TTC6: variants seen among roughly 807,000 people sequenced by gnomAD.
TTC6 encodes tetratricopeptide repeat protein 6.
Under a neutral mutation model 210.4 loss-of-function variants are expected in TTC6, and 172 were observed. That is an observed-to-expected ratio of 0.82 (90% CI 0.72 to 0.93). The LOEUF is 0.93. TTC6 is among the 40% of genes least tolerant of loss of function. The probability of loss-of-function intolerance (pLI) is 0.00; values close to 1 mark genes in which losing one functional copy is unlikely to be tolerated. For synonymous variants in TTC6, 804 were observed against 819.6 expected (o/e 0.98, Z 0.32); for missense variants, 2,414 against 2,318.1 (o/e 1.04, Z -0.85).
chr14:37,783,378 A>T (rs917582518), intron 14 of TTC6, among the ~76,000 whole-genome samples: 7 of 152,058 alleles, frequency 4.6e-5, no homozygotes, highest in Admixed American at 3.9e-4. Flanking sequence ...TGTGTCCAGG[A>T]ATTTATCCAA....
chr14:37,603,791 T>C (rs1298434185), intron 1 of TTC6, among the ~76,000 whole-genome samples: 11 of 152,096 alleles, frequency 7.2e-5, no homozygotes. Context: ...CAAACTCCAT[T>C]GGGGGCGTAT....
intron 16 of TTC6, 144 bp from the exon 19 acceptor site, chr14:37,792,116 GCTAA>G: frequency 3.3e-6 from 2 of 608,370 alleles, no homozygotes; most frequent in East Asian, 3.0e-5. Context: ...ATAGAGAGCA[GCTAA>G]CTAATTTACT....
At chr14:37,842,225 G>T (rs763136501) in exon 31 of TTC6, 1 of 1,609,904 alleles carries the variant, frequency 6.2e-7, no homozygotes, top group South Asian at 1.1e-5. Flanking sequence ...AAATAGGTCT[G>T]ATTGAGGAAG....
chr14:37,716,076 C>T (rs963620376), intron 6 of TTC6, among the ~76,000 whole-genome samples: 19 of 151,948 alleles, frequency 1.3e-4, no homozygotes, highest in African/African-American at 4.1e-4. Context: ...GGTAAAGAGA[C>T]ATAAAGGGAG....
rs569202195 is a variant in TTC6, at chr14:37,638,299, G to A, written c.939+15296G>A. Among the ~76,000 whole-genome samples, 25 of 152,152 alleles carry A rather than the reference G, an allele frequency of 1.6e-4. 1 individual carries two copies. The highest frequency in any genetic ancestry group is 5.8e-4 in the African/African-American group (24 of 41,502). Reference sequence around the variant, plus strand: ...AGATGGATTCTTGCTCTGCCGCCCAGGCTGGAATGCAGTGGTGTGGTTTTG... The same window carrying A: ...AGATGGATTCTTGCTCTGCCGCCCAAGCTGGAATGCAGTGGTGTGGTTTTG... On this transcript the variant is annotated intron_variant, in intron 1 of 30. Transcript: ENST00000553443.
At chr14:37,641,276 G>A (rs1595050312) in intron 1 of TTC6, among the ~76,000 whole-genome samples, 1 of 152,306 alleles carries the variant, frequency 6.6e-6, no homozygotes, top group East Asian at 1.9e-4. Flanking sequence ...GCTGTAAACA[G>A]CCTGAAGCTA....
chr14:37,619,841 G>T (rs2139288010), upstream of TTC6, among the ~76,000 whole-genome samples: 1 of 151,432 alleles, frequency 6.6e-6, no homozygotes, highest in African/African-American at 2.4e-5. Context: ...AATGAATTCA[G>T]AATTACCTTT....
Position 37,814,702 on chromosome 14 carries a change from A to C in TTC6, c.4689+2269A>C, listed in dbSNP as rs879813534. On this transcript the variant is annotated intron_variant, in intron 25 of 30. Transcript: ENST00000553443. ...AACAAAAAGCTGGAAAAGATATACC[A>C]CAGAAACAAATTGAAAGCAAAAAAT... Among the ~76,000 whole-genome samples the C allele has an allele frequency of 7.2e-5, 11 of 152,176 alleles. 1 individual carries two copies. Among genetic ancestry groups the C allele is most frequent in the Non-Finnish European group, 1.3e-4 (9 of 68,028 alleles).
At chr14:37,632,731 AC>A (rs1314134549) in intron 1 of TTC6, among the ~76,000 whole-genome samples, 1 of 152,178 alleles carries the variant, frequency 6.6e-6, no homozygotes, top group Non-Finnish European at 1.5e-5. Context: ...CGCCCCTTCC[AC>A]CAGGTGCTCT....
chr14:37,710,562 A>G (rs1312267953), intron 5 of TTC6, among the ~76,000 whole-genome samples: 2 of 152,142 alleles, frequency 1.3e-5, no homozygotes, highest in African/African-American at 4.8e-5. Context: ...TGTAATATCA[A>G]TCACTTTCTT....
chr14:37,711,299 C>G (rs1238611533), intron 5 of TTC6, among the ~76,000 whole-genome samples: 1 of 152,086 alleles, frequency 6.6e-6, no homozygotes, highest in African/African-American at 2.4e-5. Context: ...CCCAAACAAG[C>G]CTATGCTCTA....
At chr14:37,714,143 G>C (rs1040486219) in intron 5 of TTC6, among the ~76,000 whole-genome samples, 3 of 152,086 alleles carry the variant, frequency 2.0e-5, no homozygotes, top group Non-Finnish European at 4.4e-5. Context: ...TTATTGATAA[G>C]TTTTGTTCCA....
At chr14:37,611,720 G>A (rs1167259749) in intron 2 of TTC6, among the ~76,000 whole-genome samples, 1 of 152,120 alleles carries the variant, frequency 6.6e-6, no homozygotes, top group Non-Finnish European at 1.5e-5. Context: ...AGGTCACAGT[G>A]GAGGGACTTT....
intron 1 of TTC6, among the ~76,000 whole-genome samples, chr14:37,658,392 C>A (rs550886283): frequency 6.6e-6 from 1 of 152,190 alleles, no homozygotes; most frequent in Non-Finnish European, 1.5e-5. Context: ...AAGGAGAGAC[C>A]ATGAGGACAT....
chr14:37,789,156 A>G (rs1377936584), intron 15 of TTC6, among the ~76,000 whole-genome samples: 2 of 152,182 alleles, frequency 1.3e-5, no homozygotes, highest in Non-Finnish European at 2.9e-5. Context: ...AATAATAATG[A>G]TATCTAACAT....
chr14:37,737,014 T>C (rs1595174317), intron 8 of TTC6, among the ~76,000 whole-genome samples: 1 of 152,286 alleles, frequency 6.6e-6, no homozygotes, highest in East Asian at 1.9e-4. Context: ...TGCCTCAGCC[T>C]CCCAAACTGT....
chr14:37,832,129 G>A (rs1185800962), intron 29 of TTC6, among the ~76,000 whole-genome samples: 2 of 151,988 alleles, frequency 1.3e-5, no homozygotes, highest in African/African-American at 4.8e-5. Flanking sequence ...AGGAGAGACA[G>A]GGGTCTAGTT....
exon 29 of TTC6, chr14:37,827,229 G>A (rs1196896956): frequency 1.9e-6 from 3 of 1,612,616 alleles, no homozygotes; most frequent in East Asian, 4.5e-5. Flanking sequence ...AACAAATCGT[G>A]GGGTGATTCA....
At chr14:37,822,031 A>G (rs943504079) in intron 26 of TTC6, among the ~76,000 whole-genome samples, 1 of 151,678 alleles carries the variant, frequency 6.6e-6, no homozygotes, top group Non-Finnish European at 1.5e-5. Context: ...CACCCACCTC[A>G]GCCTCCCAAA....
Sources: gnomAD v4.1 joint callset for allele counts (sites outside exome capture counted in the v4.1 genomes callset) on GRCh38, gnomAD v4.1.1 for gene constraint, MANE v1.5 for transcripts, NCBI Gene and HGNC (gene_info 2026-07-23, HGNC 2026-07-21) for gene names.